PHTF1: variants seen among roughly 807,000 people sequenced by gnomAD.
PHTF1 encodes the protein putative homeodomain transcription factor 1.
Under a neutral mutation model 102.4 loss-of-function variants are expected in PHTF1, and 88 were observed. The ratio of observed to expected loss-of-function variants is 0.86; its 90% CI spans 0.72 to 1.03. The LOEUF (loss-of-function observed/expected upper bound fraction) is 1.03, where lower values mean the gene tolerates loss of function less well. Ranked by LOEUF, PHTF1 falls within the 50% of genes least tolerant of loss-of-function variation. PHTF1 has a pLI of 0.00. For synonymous variants in PHTF1, 289 were observed against 305.2 expected, an observed-to-expected ratio of 0.95 and a Z score of 0.55; for missense variants, 814 against 909.5, an observed-to-expected ratio of 0.89 and a Z score of 1.35.
At chr1:113,699,593 C>A in intron 17 of PHTF1, 111 bp downstream of exon 17, 4 of 688,382 alleles carry the variant, frequency 5.8e-6, no homozygotes, top group South Asian at 4.7e-5. Flanking sequence ...GAAGAGTCCA[C>A]TTCCAGGACC....
intron 3 of PHTF1, among the ~76,000 whole-genome samples, chr1:113,745,171 G>A (rs1032210376): frequency 1.3e-5 from 2 of 152,204 alleles, no homozygotes; most frequent in African/African-American, 2.4e-5. Context: ...AGACATGGGT[G>A]AGAGAGGTAA....
chr1:113,723,542 A>G (rs1333112783), intron 7 of PHTF1, among the ~76,000 whole-genome samples: 1 of 152,242 alleles, frequency 6.6e-6, no homozygotes, highest in Non-Finnish European at 1.5e-5. Flanking sequence ...AGTCTCTTCA[A>G]TAAATGATGC....
At chr1:113,755,400 C>A (rs1158608079) in intron 3 of PHTF1, among the ~76,000 whole-genome samples, 1 of 152,138 alleles carries the variant, frequency 6.6e-6, no homozygotes, top group East Asian at 1.9e-4. Context: ...GCACCTAGTA[C>A]AAGAGTGGCA....
intron 17 of PHTF1, chr1:113,699,002 G>A (rs1571067341): frequency 6.2e-6 from 1 of 160,528 alleles, no homozygotes; most frequent in Non-Finnish European, 1.4e-5. Context: ...CAGAGGTTGG[G>A]GGTGAAATAG....
intron 3 of PHTF1, among the ~76,000 whole-genome samples, chr1:113,739,866 A>G (rs911929512): frequency 6.6e-6 from 1 of 152,202 alleles, no homozygotes; most frequent in Non-Finnish European, 1.5e-5. Flanking sequence ...TTCACTTTGC[A>G]TAACGTTCTC....
chr1:113,712,355 C>T (rs1651261648), intron 8 of PHTF1, among the ~76,000 whole-genome samples: 1 of 152,148 alleles, frequency 6.6e-6, no homozygotes, highest in Non-Finnish European at 1.5e-5. Context: ...AAGTCAAACT[C>T]TAAGCCTGAA....
chr1:113,707,327 C>A (rs1184664884), intron 11 of PHTF1, among the ~76,000 whole-genome samples: 2 of 152,150 alleles, frequency 1.3e-5, no homozygotes, highest in Non-Finnish European at 2.9e-5. Context: ...GAGACAGTCA[C>A]AATGAAAACA....
chr1:113,705,301 G>T (rs890441006), intron 13 of PHTF1, among the ~76,000 whole-genome samples: 1 of 152,126 alleles, frequency 6.6e-6, no homozygotes, highest in African/African-American at 2.4e-5. Flanking sequence ...TTAGTCGGGT[G>T]TGGTGGCGCA....
At chr1:113,728,584 C>G (rs1654181962) in intron 5 of PHTF1, among the ~76,000 whole-genome samples, 1 of 152,220 alleles carries the variant, frequency 6.6e-6, no homozygotes, top group South Asian at 2.1e-4. Context: ...TATGATCCAG[C>G]AATCTCACTG....
chr1:113,698,296 C>T lies in PHTF1; in HGVS notation c.2234G>A (p.Gly745Asp), dbSNP rs1448258250. 1 of 1,608,774 alleles carries T rather than the reference C, an allele frequency of 6.2e-7. No homozygotes were observed. The highest frequency in any genetic ancestry group is 8.5e-7 in the Non-Finnish European group (1 of 1,175,534). ...TRVVILSAVS[G>D]VISDLLGFNI... ...AAATCCTAGAAGATCACTTATAACA[C>T]CTGAGACAGCAGAAAGGATAACTAC... Residue 745 changes from glycine to aspartate, a missense_variant, in exon 18 of 19, where the codon GGT becomes GAT. By Grantham distance (94) the Gly-to-Asp change is moderately conservative. Transcript: ENST00000369604.
intron 5 of PHTF1, among the ~76,000 whole-genome samples, chr1:113,736,770 G>A (rs1322188899): frequency 3.9e-5 from 6 of 152,108 alleles, no homozygotes; most frequent in Non-Finnish European, 5.9e-5. Context: ...AAACAGCTCC[G>A]TGTGAAGAAC....
Position 113,752,428 on chromosome 1 carries a change from C to G in PHTF1, c.102+5271G>C, listed in dbSNP as rs1406563999. Among the ~76,000 whole-genome samples, 8 of 97,068 alleles carry G rather than the reference C, an allele frequency of 8.2e-5. No individual in the cohort carries two copies. In the East Asian group the frequency reaches 2.4e-3, roughly 29 times the overall value. 63.7% of individuals were successfully genotyped at this position (97,068 alleles called of 152,430 possible). On this transcript the variant is annotated intron_variant, in intron 3 of 18. Transcript: ENST00000369604. ...TTTTTTTTTTTTTTTGAGACGGAGTCTCGTTCTGTCGTCCAGGCTGGAGTG... is the reference window on the plus strand; with the variant it reads ...TTTTTTTTTTTTTTTGAGACGGAGTGTCGTTCTGTCGTCCAGGCTGGAGTG...
chr1:113,716,045 T>C (rs936468662), intron 7 of PHTF1, among the ~76,000 whole-genome samples: 8 of 152,006 alleles, frequency 5.3e-5, no homozygotes, highest in African/African-American at 1.7e-4. Flanking sequence ...GAGTATAAAG[T>C]TTATTCAAAG....
rs571585043 is a variant in PHTF1, at chr1:113,713,402, A to T, written c.660T>A (p.Thr220=). 5 of 1,582,356 alleles carry T rather than the reference A, an allele frequency of 3.2e-6. No individual in the cohort carries two copies. The African/African-American group carries it at 5.4e-5, about 17-fold the overall frequency. ...CACAACTTGGGTCATTGTCAGTTTC[A>T]GTCCCTTTGTTAGATATTAATTTTA... ...KRVKLISNKG[T]ETDNDPSCVH... Residue 220 remains threonine (T), a synonymous_variant, in exon 8 of 19, where the codon ACT becomes ACA. Transcript: ENST00000369604.
At chr1:113,754,419 A>G (rs986405850) in intron 3 of PHTF1, among the ~76,000 whole-genome samples, 1 of 152,142 alleles carries the variant, frequency 6.6e-6, no homozygotes, top group Non-Finnish European at 1.5e-5. Flanking sequence ...TCAAAAAAAA[A>G]AAAAATGATT....
intron 5 of PHTF1, among the ~76,000 whole-genome samples, chr1:113,732,054 G>C (rs907789252): frequency 1.3e-5 from 2 of 152,158 alleles, no homozygotes; most frequent in African/African-American, 4.8e-5. Flanking sequence ...GTGTGCTGGG[G>C]AAAGGGGATA....
intron 3 of PHTF1, among the ~76,000 whole-genome samples, chr1:113,756,210 T>C (rs746799305): frequency 6.6e-6 from 1 of 152,310 alleles, no homozygotes; most frequent in Admixed American, 6.5e-5. Flanking sequence ...CAGTGATGTT[T>C]AGCAGCTCAC....
At chr1:113,700,194 TTA>T (rs1268192926) in intron 16 of PHTF1, 13 of 950,260 alleles carry the variant, frequency 1.4e-5, no homozygotes, top group Non-Finnish European at 1.6e-5. Context: ...TCCTTTTACT[TTA>T]CTAATTCCTT....
intron 3 of PHTF1, among the ~76,000 whole-genome samples, chr1:113,746,450 T>C (rs1308442473): frequency 6.6e-6 from 1 of 152,186 alleles, no homozygotes; most frequent in African/African-American, 2.4e-5. Context: ...AGAATTCTTC[T>C]CTTATAGGAA....
Sources: gnomAD v4.1 joint callset for allele counts (sites outside exome capture counted in the v4.1 genomes callset) on GRCh38, gnomAD v4.1.1 for gene constraint, MANE v1.5 for transcripts, NCBI Gene and HGNC (gene_info 2026-07-23, HGNC 2026-07-21) for gene names.